The following ELOVL7 variants were observed in gnomAD, a reference collection of about 807,000 sequenced individuals.
ELOVL7 encodes ELOVL fatty acid elongase 7, also known as very long chain fatty acid elongase 7.
In ELOVL7, 27 loss-of-function variants were observed where a neutral mutation model predicts 35.7. That is an observed-to-expected ratio of 0.76 (90% CI 0.56 to 1.04). The LOEUF is 1.04. Ranked by LOEUF, ELOVL7 falls within the 50% of genes least tolerant of loss-of-function variation. The probability of loss-of-function intolerance (pLI) is 0.00; values close to 1 mark genes in which losing one functional copy is unlikely to be tolerated. For synonymous variants in ELOVL7, 113 were observed against 114.6 expected (o/e 0.99, Z 0.09); for missense variants, 327 against 340.8 (o/e 0.96, Z 0.32).
At chr5:60,786,378 A>T (rs190064773) in intron 3 of ELOVL7, among the ~76,000 whole-genome samples, 1 of 152,342 alleles carries the variant, frequency 6.6e-6, no homozygotes, top group East Asian at 1.9e-4. Context: ...TAACTACGGA[A>T]ATAAAAATTA....
At chr5:60,796,535 CCT>C (rs1385615574) in intron 2 of ELOVL7, among the ~76,000 whole-genome samples, 3 of 152,270 alleles carry the variant, frequency 2.0e-5, no homozygotes, top group African/African-American at 7.2e-5. Flanking sequence ...CCAAACGTCC[CCT>C]GTGGGGCAAA....
At chr5:60,817,597 T>G (rs1022844271) in intron 1 of ELOVL7, among the ~76,000 whole-genome samples, 5 of 147,338 alleles carry the variant, frequency 3.4e-5, no homozygotes, top group Admixed American at 1.4e-4. Context: ...GTATATATAT[T>G]AGTATATATA....
At chr5:60,796,962 G>A (rs1744301300) in intron 2 of ELOVL7, among the ~76,000 whole-genome samples, 1 of 152,206 alleles carries the variant, frequency 6.6e-6, no homozygotes, top group African/African-American at 2.4e-5. Flanking sequence ...CTTGGGAAAT[G>A]TTTGGGGCTA....
At chr5:60,841,950 G>A (rs759410535) in intron 1 of ELOVL7, among the ~76,000 whole-genome samples, 3 of 152,126 alleles carry the variant, frequency 2.0e-5, no homozygotes, top group Non-Finnish European at 4.4e-5. Flanking sequence ...TGCAAACTCC[G>A]TAACTTCCTG....
chr5:60,820,706 C>T (rs13159372), intron 1 of ELOVL7, among the ~76,000 whole-genome samples: 15,096 of 152,220 alleles, frequency 0.099, 994 homozygotes, highest in South Asian at 0.2. Flanking sequence ...AGTTGGACCA[C>T]GAACCTGATC....
At chr5:60,808,408 A>G (rs79922034) in intron 1 of ELOVL7, among the ~76,000 whole-genome samples, 1,999 of 152,344 alleles carry the variant, frequency 0.013, 21 homozygotes, top group Non-Finnish European at 0.021. Context: ...GGTTAAATTG[A>G]TGAACTCAAA....
At chr5:60,805,995 G>C (rs1744903035) in intron 1 of ELOVL7, among the ~76,000 whole-genome samples, 1 of 152,144 alleles carries the variant, frequency 6.6e-6, no homozygotes, top group Non-Finnish European at 1.5e-5. Flanking sequence ...AGTTCTTCAG[G>C]ATGTGACCTT....
chr5:60,773,286 G>A (rs994483763), intron 3 of ELOVL7, among the ~76,000 whole-genome samples: 1 of 152,180 alleles, frequency 6.6e-6, no homozygotes, highest in Admixed American at 6.5e-5. Context: ...GCTAACTACT[G>A]TCACTTTTAT....
chr5:60,792,334 A>G (rs1477831526), intron 2 of ELOVL7, among the ~76,000 whole-genome samples: 1 of 152,088 alleles, frequency 6.6e-6, no homozygotes, highest in African/African-American at 2.4e-5. Context: ...CAACAGAAAA[A>G]CCTGATCCCC....
chr5:60,838,191 G>C (rs911816551), intron 1 of ELOVL7, among the ~76,000 whole-genome samples: 6 of 152,086 alleles, frequency 3.9e-5, no homozygotes, highest in Non-Finnish European at 8.8e-5. Flanking sequence ...TGCATGCCTA[G>C]GCAACTTCAA....
At chr5:60,782,118 T>C (rs545163349) in intron 3 of ELOVL7, among the ~76,000 whole-genome samples, 3 of 152,292 alleles carry the variant, frequency 2.0e-5, no homozygotes, top group South Asian at 2.1e-4. Context: ...TCTCAAAAGA[T>C]AACAAATGGC....
chr5:60,796,744 G>A (rs190572607), intron 2 of ELOVL7, among the ~76,000 whole-genome samples: 1 of 152,252 alleles, frequency 6.6e-6, no homozygotes, highest in Non-Finnish European at 1.5e-5. Context: ...TTTAAAGGAG[G>A]AAAAATCTTT....
chr5:60,809,420 A>C (rs1265669914), intron 1 of ELOVL7, among the ~76,000 whole-genome samples: 1 of 152,180 alleles, frequency 6.6e-6, no homozygotes, highest in Non-Finnish European at 1.5e-5. Flanking sequence ...ATCCCAGAGG[A>C]AGGTTTGAAT....
intron 2 of ELOVL7, among the ~76,000 whole-genome samples, chr5:60,796,407 T>C (rs1049203604): frequency 1.3e-5 from 2 of 152,174 alleles, no homozygotes; most frequent in African/African-American, 4.8e-5. Flanking sequence ...CAATTCTTAG[T>C]TGTGGGGAAG....
chr5:60,773,389 C>A (rs951071155), intron 3 of ELOVL7, among the ~76,000 whole-genome samples: 1 of 152,174 alleles, frequency 6.6e-6, no homozygotes, highest in Non-Finnish European at 1.5e-5. Flanking sequence ...AATACCCCTG[C>A]AAGTGTGACT....
At chr5:60,800,871 A>G (rs1254382886) in intron 1 of ELOVL7, among the ~76,000 whole-genome samples, 1 of 152,192 alleles carries the variant, frequency 6.6e-6, no homozygotes, top group Admixed American at 6.5e-5. Context: ...ATCCTCAGTT[A>G]TGGAAGGTCA....
At chr5:60,843,988 G>A (rs1579962076) in intron 1 of ELOVL7, among the ~76,000 whole-genome samples, 172 bp downstream of exon 1, 2 of 151,960 alleles carry the variant, frequency 1.3e-5, no homozygotes, top group African/African-American at 4.8e-5. Flanking sequence ...GCCTGGCCCC[G>A]CTCCCGGGGC....
At chr5:60,812,691 A>G (rs1432325447) in intron 1 of ELOVL7, among the ~76,000 whole-genome samples, 2 of 152,158 alleles carry the variant, frequency 1.3e-5, no homozygotes, top group Non-Finnish European at 2.9e-5. Flanking sequence ...TTGTACACAA[A>G]GGTTGAGAAC....
At chr5:60,834,543 C>G (rs1003566959) in intron 1 of ELOVL7, among the ~76,000 whole-genome samples, 4 of 152,126 alleles carry the variant, frequency 2.6e-5, no homozygotes, top group African/African-American at 9.7e-5. Flanking sequence ...TAGCTTACAC[C>G]TGTAATCCCA....
Sources: gnomAD v4.1 joint callset for allele counts (sites outside exome capture counted in the v4.1 genomes callset) on GRCh38, gnomAD v4.1.1 for gene constraint, MANE v1.5 for transcripts, NCBI Gene and HGNC (gene_info 2026-07-23, HGNC 2026-07-21) for gene names.